The following MRPL1 variants were observed in gnomAD, a reference collection of about 807,000 sequenced individuals.
MRPL1 encodes the protein large ribosomal subunit protein uL1m.
MRPL1 carries 28 observed loss-of-function variants against 38.0 expected under a neutral mutation model. The ratio of observed to expected loss-of-function variants is 0.74; its 90% CI spans 0.55 to 1.01. The LOEUF is 1.01. MRPL1 is among the 50% of genes least tolerant of loss of function. The probability of loss-of-function intolerance (pLI) is 0.00; values close to 1 mark genes in which losing one functional copy is unlikely to be tolerated. For synonymous variants in MRPL1, 123 were observed against 126.7 expected (o/e 0.97, Z 0.20); for missense variants, 358 against 389.8 (o/e 0.92, Z 0.69).
chr4:77,877,537 G>T (rs1234427824), intron 2 of MRPL1, among the ~76,000 whole-genome samples: 1 of 150,876 alleles, frequency 6.6e-6, no homozygotes, highest in South Asian at 2.1e-4. Context: ...TCACTCTTTT[G>T]CACCCTTCCC....
chr4:77,909,400 A>C, intron 7 of MRPL1, 28 bp downstream of exon 7: 1 of 1,302,434 alleles, frequency 7.7e-7, no homozygotes, highest in African/African-American at 1.5e-5. Flanking sequence ...TTATCAAATA[A>C]TCCTCTTTTT....
intron 7 of MRPL1, among the ~76,000 whole-genome samples, chr4:77,932,338 G>A (rs376670757): frequency 6.6e-6 from 1 of 152,104 alleles, no homozygotes; most frequent in African/African-American, 2.4e-5. Context: ...CTCAGCTTCC[G>A]AAGAGTTTGG....
At chr4:77,865,449 T>A (rs570922614) in intron 1 of MRPL1, among the ~76,000 whole-genome samples, 7 of 151,374 alleles carry the variant, frequency 4.6e-5, no homozygotes, top group Admixed American at 3.3e-4. Flanking sequence ...TGAGACAGGA[T>A]CTCACTGTGT....
At chr4:77,872,630 C>T (rs1301106388) in intron 2 of MRPL1, among the ~76,000 whole-genome samples, 1 of 152,034 alleles carries the variant, frequency 6.6e-6, no homozygotes, top group Non-Finnish European at 1.5e-5. Flanking sequence ...TTTGGGAGGC[C>T]GAGGCGGGTG....
chr4:77,941,164 T>C (rs1296350423), intron 7 of MRPL1, among the ~76,000 whole-genome samples: 1 of 151,762 alleles, frequency 6.6e-6, no homozygotes, highest in Non-Finnish European at 1.5e-5. Context: ...ACTTGGGAGG[T>C]TGAGGCAGGA....
At chr4:77,923,069 G>T (rs1257331758) in intron 7 of MRPL1, among the ~76,000 whole-genome samples, 1 of 152,092 alleles carries the variant, frequency 6.6e-6, no homozygotes, top group Non-Finnish European at 1.5e-5. Context: ...TTGATATTTA[G>T]CAGAGGAGCT....
rs111281550 is a variant in MRPL1, at chr4:77,903,062, G to T, written c.671-6204G>T. On this transcript the variant is annotated intron_variant, in intron 6 of 8. Coordinates refer to ENST00000315567, the MANE Select transcript of MRPL1 (RefSeq NM_020236.4). ...CAAGGACATTACGAGAAAACTACAG[G>T]ATTTTTCCTTCATGAGAATAGACGC... is the stretch of plus-strand genomic sequence containing the variant. 2.9e-3 allele frequency among the ~76,000 whole-genome samples: 435 copies of T among 152,216 alleles called. 3 individuals carry two copies. The highest frequency in any genetic ancestry group is 0.014 in the Middle Eastern group (4 of 294).
At position 77,883,488 on chromosome 4, in the gene MRPL1, A is replaced by G; in HGVS notation, c.390A>G (p.Ala130=). The change falls in exon 3 of 9, where the codon GCA becomes GCG. Residue 130 remains alanine (A), a synonymous_variant. Coordinates refer to ENST00000315567, the MANE Select transcript of MRPL1 (RefSeq NM_020236.4). ...ATCTTGATTTGACACTGGATATGGC[A>G]CTGGGAAAGAAGGTATGTAGAGTCC... The part of the protein sequence containing the change: ...SVYLDLTLDM[A]LGKKKNVEPF... 1 of 1,612,064 alleles carries G rather than the reference A, an allele frequency of 6.2e-7. No individual in the cohort carries two copies. Among genetic ancestry groups the G allele is most frequent in the Non-Finnish European group, 8.5e-7 (1 of 1,179,108 alleles).
At chr4:77,924,579 T>A (rs1736664876) in intron 7 of MRPL1, among the ~76,000 whole-genome samples, 1 of 152,166 alleles carries the variant, frequency 6.6e-6, no homozygotes, top group Non-Finnish European at 1.5e-5. Context: ...ATTCCTTTGA[T>A]TACATTTTTT....
At chr4:77,921,551 G>T (rs185463130) in intron 7 of MRPL1, among the ~76,000 whole-genome samples, 6 of 152,084 alleles carry the variant, frequency 3.9e-5, no homozygotes, top group African/African-American at 1.4e-4. Context: ...GCTTTTATAG[G>T]AACAAGAGGT....
intron 4 of MRPL1, among the ~76,000 whole-genome samples, chr4:77,886,134 A>T (rs756676451): frequency 6.6e-6 from 1 of 152,140 alleles, no homozygotes; most frequent in Admixed American, 6.5e-5. Context: ...ATGGTTCTGA[A>T]TGTAATATCC....
chr4:77,897,222 C>T (rs1321969153), intron 6 of MRPL1, among the ~76,000 whole-genome samples: 8 of 152,074 alleles, frequency 5.3e-5, no homozygotes, highest in African/African-American at 1.9e-4. Flanking sequence ...TGCCACCACA[C>T]CCAGCTAGTA....
At chr4:77,927,168 TCA>T (rs1175711208) in intron 7 of MRPL1, among the ~76,000 whole-genome samples, 1 of 152,200 alleles carries the variant, frequency 6.6e-6, no homozygotes, top group African/African-American at 2.4e-5. Flanking sequence ...GAAGTGTGTC[TCA>T]CAGAATAGTT....
chr4:77,891,381 T>C (rs1005744489), intron 5 of MRPL1, among the ~76,000 whole-genome samples: 5 of 149,420 alleles, frequency 3.3e-5, no homozygotes, highest in South Asian at 2.1e-4. Flanking sequence ...TTTGAGACAG[T>C]GTGTCGTTGC....
chr4:77,931,320 A>G lies in MRPL1; in HGVS notation c.778-18477A>G, dbSNP rs887439966. 2.0e-5 allele frequency among the ~76,000 whole-genome samples: 3 copies of G among 152,340 alleles called. 1 individual carries two copies. Among genetic ancestry groups the G allele is most frequent in the African/African-American group, 4.8e-5 (2 of 41,582 alleles). On this transcript the variant is annotated intron_variant, in intron 7 of 8. Coordinates refer to ENST00000315567, the MANE Select transcript of MRPL1 (RefSeq NM_020236.4). ...TGCTAAAGCTAAAAAGCCCTTTACT[A>G]TTGGTAAGGGGTTGATCCTGCCTGC... is the stretch of plus-strand genomic sequence containing the variant.
At chr4:77,890,550 G>A (rs564601394) in intron 5 of MRPL1, among the ~76,000 whole-genome samples, 85 of 152,260 alleles carry the variant, frequency 5.6e-4, no homozygotes, top group African/African-American at 2.0e-3. Context: ...GGCAAAAACT[G>A]GAAGCATTCC....
chr4:77,923,756 T>C (rs1736644151), intron 7 of MRPL1, among the ~76,000 whole-genome samples: 1 of 151,892 alleles, frequency 6.6e-6, no homozygotes, highest in Non-Finnish European at 1.5e-5. Flanking sequence ...GCCAACATGG[T>C]GAAATCCCGT....
chr4:77,952,515 C>A lies in MRPL1; in HGVS notation c.886C>A (p.Arg296Ser). Reference protein sequence around the residue: ...LGPFVVRAFLRSSTSEGLLLK... With the variant: ...LGPFVVRAFLSSSTSEGLLLK... ...TCCCTTTGTGGTACGTGCTTTCCTT[C>A]GTAGTTCAACAAGTGAAGGTTTATT... is the stretch of plus-strand genomic sequence containing the variant. The change falls in exon 9 of 9, where the codon CGT becomes AGT. Residue 296 changes from arginine to serine, a missense_variant. Coordinates refer to ENST00000315567, the MANE Select transcript of MRPL1 (RefSeq NM_020236.4). The A allele has an allele frequency of 6.2e-7, 1 of 1,612,796 alleles. No homozygotes were observed. The highest frequency in any genetic ancestry group is 8.5e-7 in the Non-Finnish European group (1 of 1,179,474).
chr4:77,872,904 G>A (rs1208880118), intron 2 of MRPL1, among the ~76,000 whole-genome samples: 1 of 152,110 alleles, frequency 6.6e-6, no homozygotes, highest in Non-Finnish European at 1.5e-5. Context: ...ATAGTGGTGT[G>A]TACCTGTAAT....
Sources: gnomAD v4.1 joint callset for allele counts (sites outside exome capture counted in the v4.1 genomes callset) on GRCh38, gnomAD v4.1.1 for gene constraint, MANE v1.5 for transcripts, NCBI Gene and HGNC (gene_info 2026-07-23, HGNC 2026-07-21) for gene names.